Variants in CNTNAP2 observed in about 807,000 individuals in gnomAD.
CNTNAP2 encodes the protein contactin-associated protein-like 2.
CNTNAP2 carries 98 observed loss-of-function variants against 155.2 expected under a neutral mutation model. The ratio of observed to expected loss-of-function variants is 0.63; its 90% CI spans 0.54 to 0.75. CNTNAP2 has a LOEUF of 0.75. Ranked by LOEUF, CNTNAP2 falls within the 30% of genes least tolerant of loss-of-function variation. The pLI, the probability that CNTNAP2 is intolerant of heterozygous loss-of-function variation, is 0.00. For missense variants in CNTNAP2, 1,727 were observed against 1,688.1 expected (o/e 1.02, Z -0.40); for synonymous variants, 651 against 631.2 (o/e 1.03, Z -0.47).
chr7:146,509,995 C>CA, intron 1 of CNTNAP2, among the ~76,000 whole-genome samples: 1 of 152,204 alleles, frequency 6.6e-6, no homozygotes, highest in South Asian at 2.1e-4. Context: ...GACCTAGGAT[C>CA]ATCAGGGGCC....
chr7:147,786,113 A>G (rs1330064945), intron 13 of CNTNAP2, among the ~76,000 whole-genome samples: 1 of 152,052 alleles, frequency 6.6e-6, no homozygotes. Context: ...AACATGGTGA[A>G]ACCCCGTCTC....
intron 1 of CNTNAP2, among the ~76,000 whole-genome samples, chr7:146,269,715 A>G (rs1800049938): frequency 6.6e-6 from 1 of 152,336 alleles, no homozygotes; most frequent in Non-Finnish European, 1.5e-5. Context: ...ATAATTACTT[A>G]AACAAATGTA....
At chr7:146,919,080 T>G (rs1796449048) in intron 3 of CNTNAP2, among the ~76,000 whole-genome samples, 1 of 152,194 alleles carries the variant, frequency 6.6e-6, no homozygotes, top group Non-Finnish European at 1.5e-5. Flanking sequence ...GAGTTTTCCA[T>G]TAATATCCTG....
intron 14 of CNTNAP2, among the ~76,000 whole-genome samples, chr7:147,927,074 T>TAA (rs1361509142): frequency 1.3e-5 from 2 of 152,282 alleles, no homozygotes; most frequent in Middle Eastern, 6.8e-3. Flanking sequence ...AATATGACAA[T>TAA]AAAACAATTG....
intron 1 of CNTNAP2, among the ~76,000 whole-genome samples, chr7:146,693,642 A>G (rs543885096): frequency 4.8e-4 from 73 of 152,218 alleles, no homozygotes; most frequent in African/African-American, 1.6e-3. Flanking sequence ...TTAAATTGCA[A>G]TGTTACTGAC....
intron 1 of CNTNAP2, among the ~76,000 whole-genome samples, chr7:146,435,374 A>T (rs531889701): frequency 2.0e-5 from 3 of 152,326 alleles, no homozygotes; most frequent in African/African-American, 7.2e-5. Flanking sequence ...GACCCTGCTA[A>T]AAAACTGTGC....
At chr7:147,719,414 G>T (rs1193394848) in intron 13 of CNTNAP2, among the ~76,000 whole-genome samples, 1 of 151,930 alleles carries the variant, frequency 6.6e-6, no homozygotes, top group African/African-American at 2.4e-5. Context: ...AATCTGGCTG[G>T]TATTTTTATT....
At chr7:147,802,141 T>A (rs1476347440) in intron 13 of CNTNAP2, among the ~76,000 whole-genome samples, 15 of 117,294 alleles carry the variant, frequency 1.3e-4, no homozygotes, top group African/African-American at 4.6e-4. Context: ...CCAGACGGGG[T>A]CGCGGCCGGG....
intron 12 of CNTNAP2, among the ~76,000 whole-genome samples, chr7:147,628,054 A>G (rs1434135115): frequency 3.9e-5 from 6 of 152,120 alleles, no homozygotes; most frequent in Admixed American, 3.9e-4. Flanking sequence ...TTTGGAAAGC[A>G]TATTTGAGGG....
At chr7:147,339,915 G>A (rs1194251844) in intron 9 of CNTNAP2, among the ~76,000 whole-genome samples, 1 of 152,138 alleles carries the variant, frequency 6.6e-6, no homozygotes, top group Non-Finnish European at 1.5e-5. Flanking sequence ...GCTTAGCTTG[G>A]AAGCTCTTGC....
rs73459556 is a variant in CNTNAP2 at position 147,241,019 on chromosome 7, C to T, written c.1349-59122C>T. 4.3e-3 allele frequency among the ~76,000 whole-genome samples: 650 copies of T among 152,216 alleles called. 5 individuals carry two copies. Among genetic ancestry groups the T allele is most frequent in the African/African-American group, 0.015 (628 of 41,536 alleles). ...ATGTTTATTTGTATGGTTGAATAAA[C>T]ATCATAATGCAGGTGCAATGCCCAG... is the stretch of plus-strand genomic sequence containing the variant. On this transcript the variant is annotated intron_variant, in intron 8 of 23. Coordinates refer to ENST00000361727, the MANE Select transcript of CNTNAP2 (RefSeq NM_014141.6).
intron 3 of CNTNAP2, among the ~76,000 whole-genome samples, chr7:146,879,828 G>A (rs995499737): frequency 1.3e-5 from 2 of 152,064 alleles, no homozygotes; most frequent in South Asian, 2.1e-4. Context: ...AAGACATACT[G>A]GAGACTGGGT....
intron 10 of CNTNAP2, among the ~76,000 whole-genome samples, chr7:147,424,917 A>T (rs1006809128): frequency 3.9e-5 from 6 of 152,044 alleles, no homozygotes; most frequent in Non-Finnish European, 8.8e-5. Flanking sequence ...CTCAATTTAT[A>T]CCCAGAATCC....
intron 14 of CNTNAP2, among the ~76,000 whole-genome samples, chr7:147,925,565 C>G (rs572299040): frequency 6.6e-6 from 1 of 152,186 alleles, no homozygotes; most frequent in East Asian, 1.9e-4. Flanking sequence ...CTCCCAGGTT[C>G]ATGCCATTCT....
At chr7:147,458,182 G>C (rs1414669901) in intron 10 of CNTNAP2, among the ~76,000 whole-genome samples, 2 of 152,094 alleles carry the variant, frequency 1.3e-5, no homozygotes, top group African/African-American at 4.8e-5. Flanking sequence ...GAATTCTAAT[G>C]TTTTGAAAAT....
chr7:146,609,384 C>T (rs1799098983), intron 1 of CNTNAP2, among the ~76,000 whole-genome samples: 1 of 152,162 alleles, frequency 6.6e-6, no homozygotes. Context: ...TTTTCTTCCA[C>T]ATAGTCCAAG....
chr7:148,383,537 C>G (rs1219650265), intron 21 of CNTNAP2, 112 bp from the exon 22 acceptor site: 11 of 1,482,350 alleles, frequency 7.4e-6, no homozygotes, highest in African/African-American at 1.4e-5. Flanking sequence ...AATGTAACAT[C>G]TTAAACTGAA....
intron 13 of CNTNAP2, among the ~76,000 whole-genome samples, chr7:147,705,811 C>T (rs145303990): frequency 0.017 from 2,511 of 152,114 alleles, 224 homozygotes; most frequent in Admixed American, 0.15. Context: ...AATGATCTTT[C>T]TTGCTTCTGT....
At chr7:146,162,673 T>C (rs986888865) in intron 1 of CNTNAP2, among the ~76,000 whole-genome samples, 4 of 152,262 alleles carry the variant, frequency 2.6e-5, no homozygotes, top group Non-Finnish European at 5.9e-5. Flanking sequence ...ACCCAAAGTA[T>C]TATAAATCAT....
Sources: gnomAD v4.1 joint callset for allele counts (sites outside exome capture counted in the v4.1 genomes callset) on GRCh38, gnomAD v4.1.1 for gene constraint, MANE v1.5 for transcripts, NCBI Gene and HGNC (gene_info 2026-07-23, HGNC 2026-07-21) for gene names.